The following RNGTT variants were observed in gnomAD, a reference collection of about 807,000 sequenced individuals.
The protein encoded by RNGTT is RNA guanylyltransferase and 5'-phosphatase.
RNGTT carries 33 observed loss-of-function variants against 79.3 expected under a neutral mutation model. The ratio of observed to expected loss-of-function variants is 0.42; its 90% CI spans 0.32 to 0.56. The LOEUF (loss-of-function observed/expected upper bound fraction) is 0.56. Ranked by LOEUF, RNGTT falls within the 20% of genes least tolerant of loss-of-function variation. RNGTT has a pLI of 0.17. For synonymous variants in RNGTT, 222 were observed against 235.9 expected (o/e 0.94, Z 0.54); for missense variants, 497 against 739.1 (o/e 0.67, Z 3.80).
rs896032029 is a variant in RNGTT at position 88,891,798 on chromosome 6, T to A, written c.794+8A>T. The A allele has an allele frequency of 6.6e-6, 10 of 1,516,366 alleles. No homozygotes were observed. The Admixed American group carries it at 1.3e-4, about 20-fold the overall frequency. The allele number at this position is 1,516,366 out of a possible 1,614,324, so 93.9% of individuals were successfully genotyped here. On this transcript the variant is annotated splice_region_variant and intron_variant, in intron 7 of 15. Coordinates refer to ENST00000369485, the MANE Select transcript of RNGTT (RefSeq NM_003800.5). ...AATTTTATTTAAAAATTTAAAAATA[T>A]TTATTACCCTTCCCAGCCACAGAAT...
intron 6 of RNGTT, among the ~76,000 whole-genome samples, chr6:88,898,253 C>A (rs1244015755): frequency 6.6e-6 from 1 of 152,168 alleles, no homozygotes; most frequent in Non-Finnish European, 1.5e-5. Flanking sequence ...CAGATAAATA[C>A]TTTCCGTCCT....
chr6:88,899,269 CT>C (rs1554229134), intron 6 of RNGTT, among the ~76,000 whole-genome samples: 138 of 143,570 alleles, frequency 9.6e-4, no homozygotes, highest in Admixed American at 1.5e-3. Context: ...AAGGTTTCGG[CT>C]TTTTTTTTTT....
At chr6:88,694,476 GT>G (rs1156816851) in intron 13 of RNGTT, among the ~76,000 whole-genome samples, 1 of 151,736 alleles carries the variant, frequency 6.6e-6, no homozygotes, top group Non-Finnish European at 1.5e-5. Flanking sequence ...GATACTCCTT[GT>G]TCATGGATTA....
chr6:88,780,321 T>C (rs984529180), intron 12 of RNGTT, among the ~76,000 whole-genome samples: 3 of 152,160 alleles, frequency 2.0e-5, no homozygotes, highest in African/African-American at 7.2e-5. Context: ...AAAGATTATA[T>C]AAATCACTAC....
intron 8 of RNGTT, among the ~76,000 whole-genome samples, chr6:88,886,361 G>A (rs540943076): frequency 2.0e-5 from 3 of 152,174 alleles, no homozygotes; most frequent in Admixed American, 6.5e-5. Flanking sequence ...AATGAAACAC[G>A]TGATCCTGGA....
At chr6:88,637,242 AAAC>A (rs1263274198) in intron 14 of RNGTT, among the ~76,000 whole-genome samples, 6 of 152,110 alleles carry the variant, frequency 3.9e-5, no homozygotes, top group African/African-American at 1.2e-4. Flanking sequence ...TCCTTCAACT[AAAC>A]AACAAGAAAA....
chr6:88,900,012 A>C (rs1783392434), intron 6 of RNGTT, among the ~76,000 whole-genome samples: 1 of 152,180 alleles, frequency 6.6e-6, no homozygotes, highest in Non-Finnish European at 1.5e-5. Context: ...TCTGCTCCTA[A>C]TTCTCTGTAG....
chr6:88,662,566 G>GT (rs765596848), intron 14 of RNGTT, among the ~76,000 whole-genome samples: 8 of 152,190 alleles, frequency 5.3e-5, no homozygotes, highest in Non-Finnish European at 1.0e-4. Context: ...TGTCCGAGAG[G>GT]TTTTGTCTGC....
chr6:88,662,884 A>G (rs1472958208), intron 14 of RNGTT, among the ~76,000 whole-genome samples: 3 of 152,064 alleles, frequency 2.0e-5, no homozygotes, highest in Non-Finnish European at 4.4e-5. Flanking sequence ...GAACTGGCCC[A>G]CTCCATCTGA....
chr6:88,652,836 T>G (rs1773847238), intron 14 of RNGTT, among the ~76,000 whole-genome samples: 1 of 152,152 alleles, frequency 6.6e-6, no homozygotes, highest in Non-Finnish European at 1.5e-5. Context: ...TGCCTGCATT[T>G]AGGGTAAGGA....
chr6:88,797,842 C>T (rs959035727), intron 12 of RNGTT, among the ~76,000 whole-genome samples: 10 of 146,776 alleles, frequency 6.8e-5, no homozygotes, highest in Non-Finnish European at 1.3e-4. Flanking sequence ...TTAGAGGGCT[C>T]AATCCTATTC....
chr6:88,772,612 A>C (rs1205928504), intron 12 of RNGTT, among the ~76,000 whole-genome samples: 2 of 130,810 alleles, frequency 1.5e-5, no homozygotes, highest in African/African-American at 3.4e-5. Context: ...CAATGAACTC[A>C]AACAAATTTA....
chr6:88,697,250 C>T (rs966151411), intron 13 of RNGTT, among the ~76,000 whole-genome samples: 1 of 152,118 alleles, frequency 6.6e-6, no homozygotes, highest in African/African-American at 2.4e-5. Context: ...CATTAGTAAA[C>T]ATTAGATATG....
intron 13 of RNGTT, among the ~76,000 whole-genome samples, chr6:88,698,378 A>G (rs117701495): frequency 6.8e-6 from 1 of 147,686 alleles, no homozygotes; most frequent in Non-Finnish European, 1.5e-5. Context: ...ATTGCTAGCT[A>G]TCTTGATTTT....
At chr6:88,742,703 C>A (rs993519760) in intron 13 of RNGTT, among the ~76,000 whole-genome samples, 1 of 152,068 alleles carries the variant, frequency 6.6e-6, no homozygotes, top group African/African-American at 2.4e-5. Flanking sequence ...TAAATGAATT[C>A]CAATATTAGA....
chr6:88,671,940 T>C (rs1045593913), intron 14 of RNGTT, among the ~76,000 whole-genome samples: 7 of 152,108 alleles, frequency 4.6e-5, no homozygotes, highest in African/African-American at 1.7e-4. Context: ...TCCTCTTCTC[T>C]CACCTTATAA....
At position 88,800,503 on chromosome 6, in the gene RNGTT, C is replaced by T. The variant is rs77773898; in HGVS notation, c.1338+1061G>A. Among the ~76,000 whole-genome samples, 450 of 152,250 alleles carry T rather than the reference C, an allele frequency of 3.0e-3. 3 individuals carry two copies. Among genetic ancestry groups the T allele is most frequent in the African/African-American group, 8.7e-3 (362 of 41,550 alleles). ...TATATAAATTCTCAACTAGCTTATA[C>T]TCTAATTACTAAAAGAAGAGTTGGT... On this transcript the variant is annotated intron_variant, in intron 12 of 15. Coordinates refer to ENST00000369485, the MANE Select transcript of RNGTT (RefSeq NM_003800.5).
intron 11 of RNGTT, among the ~76,000 whole-genome samples, chr6:88,815,939 T>C (rs1412917739): frequency 6.6e-6 from 1 of 152,046 alleles, no homozygotes; most frequent in Non-Finnish European, 1.5e-5. Flanking sequence ...TTCCACAATA[T>C]AAAAAAGTAT....
At chr6:88,837,178 G>T (rs537432651) in intron 11 of RNGTT, among the ~76,000 whole-genome samples, 22 of 152,282 alleles carry the variant, frequency 1.4e-4, no homozygotes, top group Admixed American at 1.2e-3. Context: ...GCACAGCCTT[G>T]AGCCTAAGAG....
Sources: allele counts gnomAD v4.1 joint callset (sites outside exome capture counted in the v4.1 genomes callset), GRCh38; gene constraint gnomAD v4.1.1; transcripts MANE v1.5; gene names NCBI Gene and HGNC (gene_info 2026-07-23, HGNC 2026-07-21).